The following WARS1 variants were observed in gnomAD, a reference collection of about 807,000 sequenced individuals.
The protein encoded by WARS1 is tryptophan--tRNA ligase, cytoplasmic.
Under a neutral mutation model 47.8 loss-of-function variants are expected in WARS1, and 17 were observed. The ratio of observed to expected loss-of-function variants is 0.36; its 90% CI spans 0.24 to 0.53. The LOEUF (loss-of-function observed/expected upper bound fraction) is 0.53, where lower values mean the gene tolerates loss of function less well. Among genes scored for constraint, WARS1 ranks in the 20% least tolerant of loss-of-function variants. The probability of loss-of-function intolerance (pLI) is 0.91; values close to 1 mark genes in which losing one functional copy is unlikely to be tolerated. For synonymous variants in WARS1, 208 were observed against 228.1 expected (o/e 0.91, Z 0.79); for missense variants, 434 against 608.0 (o/e 0.71, Z 3.01).
At position 100,334,637 on chromosome 14, in the gene WARS1, C is replaced by A. The variant is rs1893583610; in HGVS notation, c.*238G>T. 1 of 421,282 alleles carries A rather than the reference C, an allele frequency of 2.4e-6. No individual in the cohort carries two copies. The highest frequency in any genetic ancestry group is 3.0e-5 in the South Asian group (1 of 33,844). 26.1% of individuals were successfully genotyped at this position (421,282 alleles called of 1,614,324 possible). A position where few individuals can be genotyped will look rare whatever the true frequency, so the allele number is the denominator to read the frequency against. On this transcript the variant is annotated 3_prime_UTR_variant, in exon 11 of 11. Transcript: ENST00000392882. The stretch of plus-strand genomic sequence containing the variant: ...GGGAGAGACTCACAGCTGGACTTCT[C>A]TATCCGACCATGCAATGTTAGCCAG...
intron 6 of WARS1, among the ~76,000 whole-genome samples, chr14:100,352,722 G>C (rs1895076026): frequency 6.6e-6 from 1 of 152,114 alleles, no homozygotes; most frequent in African/African-American, 2.4e-5. Flanking sequence ...CCTTAGGGGA[G>C]TACTATGACT....
chr14:100,336,384 G>A (rs190169792), intron 10 of WARS1, among the ~76,000 whole-genome samples: 150 of 152,226 alleles, frequency 9.9e-4, no homozygotes, highest in African/African-American at 3.4e-3. Context: ...AGTAGCAGGG[G>A]CTACAGATGT....
At chr14:100,346,723 C>T (rs544151015) in intron 7 of WARS1, 23 bp downstream of exon 7, 1 of 1,592,162 alleles carries the variant, frequency 6.3e-7, no homozygotes, top group East Asian at 2.2e-5. Context: ...GGGAGTGGTC[C>T]ACAGCAGCAG....
At chr14:100,353,994 A>G in intron 5 of WARS1, 125 bp from the exon 6 acceptor site, 1 of 825,012 alleles carries the variant, frequency 1.2e-6, no homozygotes, top group Non-Finnish European at 1.9e-6. Flanking sequence ...CAAAATCACA[A>G]TTTGAATTGT....
At chr14:100,366,409 G>C (rs1180244475) in intron 2 of WARS1, among the ~76,000 whole-genome samples, 2 of 152,208 alleles carry the variant, frequency 1.3e-5, no homozygotes, top group African/African-American at 4.8e-5. Flanking sequence ...AATGAAGAGT[G>C]CATCCAGCAG....
rs1311479640 is a variant in WARS1 at position 100,373,277 on chromosome 14, T to C, written c.-74+2006A>G. The stretch of plus-strand genomic sequence containing the variant: ...AAGACTGATTCCCCCAGCTGGACTT[T>C]AGATGGCCTCTTGTTTAACGTCCTG... On this transcript the variant is annotated intron_variant, in intron 1 of 10. Transcript: ENST00000392882. This position sits in a 1 kb window ranked among gnomAD's most constrained non-coding sequence, Gnocchi z 4.4. Among the ~76,000 whole-genome samples, 2 of 152,234 alleles carry C rather than the reference T, an allele frequency of 1.3e-5. No homozygotes were observed. Among genetic ancestry groups the C allele is most frequent in the East Asian group, 1.9e-4 (1 of 5,206 alleles).
At chr14:100,352,377 C>T (rs1895053156) in intron 6 of WARS1, among the ~76,000 whole-genome samples, 1 of 152,128 alleles carries the variant, frequency 6.6e-6, no homozygotes, top group Non-Finnish European at 1.5e-5. Context: ...CTCAGCCTCC[C>T]AAAGTGCTGG....
At chr14:100,340,234 A>C (rs1894071514) in intron 9 of WARS1, 1 of 152,218 alleles carries the variant, frequency 6.6e-6, no homozygotes, top group Admixed American at 6.6e-5. Context: ...GAACCAGCCT[A>C]CCAGGCCTGA....
chr14:100,348,992 C>T (rs553848469), intron 6 of WARS1, among the ~76,000 whole-genome samples: 3 of 152,352 alleles, frequency 2.0e-5, no homozygotes, highest in African/African-American at 7.2e-5. Context: ...ACGGACCCAT[C>T]ACGCAAAGCA....
intron 6 of WARS1, among the ~76,000 whole-genome samples, chr14:100,352,259 A>C: frequency 6.6e-6 from 1 of 151,062 alleles, no homozygotes; most frequent in East Asian, 2.0e-4. Context: ...CTACAGGAGC[A>C]CGCCACCACA....
intron 2 of WARS1, chr14:100,368,399 G>A (rs1296916829): frequency 4.4e-6 from 2 of 456,002 alleles, no homozygotes; most frequent in Admixed American, 4.7e-5. Context: ...ATACAGATGG[G>A]GAGACTGCCT....
intron 9 of WARS1, among the ~76,000 whole-genome samples, chr14:100,339,667 A>G (rs1235209194): frequency 6.6e-6 from 1 of 151,926 alleles, no homozygotes; most frequent in Non-Finnish European, 1.5e-5. Flanking sequence ...CAGGAGGAAG[A>G]AAAAAACCAC....
At chr14:100,370,699 A>G (rs2140093325) in intron 1 of WARS1, among the ~76,000 whole-genome samples, 1 of 152,302 alleles carries the variant, frequency 6.6e-6, no homozygotes, top group East Asian at 1.9e-4. Context: ...GGGGTTAAAA[A>G]AAACTTGCCC....
At chr14:100,352,755 G>C (rs1296749724) in intron 6 of WARS1, 1 of 152,192 alleles carries the variant, frequency 6.6e-6, no homozygotes, top group Admixed American at 6.5e-5. Context: ...TCACCTTAGG[G>C]GAGTACCACA....
chr14:100,347,842 G>A (rs1466659700), intron 6 of WARS1, among the ~76,000 whole-genome samples: 1 of 152,206 alleles, frequency 6.6e-6, no homozygotes, highest in Non-Finnish European at 1.5e-5. Context: ...CTCCCAAAGT[G>A]CTGGGATTAC....
intron 2 of WARS1, among the ~76,000 whole-genome samples, chr14:100,367,668 G>C (rs889211881): frequency 7.3e-6 from 1 of 136,100 alleles, no homozygotes; most frequent in African/African-American, 2.8e-5. Context: ...TGAAATTTCA[G>C]AACACGGGAA....
At chr14:100,348,995 G>A (rs1199668894) in intron 6 of WARS1, among the ~76,000 whole-genome samples, 2 of 152,200 alleles carry the variant, frequency 1.3e-5, no homozygotes, top group South Asian at 2.1e-4. Flanking sequence ...GACCCATCAC[G>A]CAAAGCAGCC....
At chr14:100,345,303 G>A (rs1894523451) in intron 7 of WARS1, among the ~76,000 whole-genome samples, 1 of 152,010 alleles carries the variant, frequency 6.6e-6, no homozygotes, top group South Asian at 2.1e-4. Flanking sequence ...AGACATGGGA[G>A]ACTTTTCATT....
chr14:100,360,427 C>T, intron 4 of WARS1, 127 bp downstream of exon 4: 1 of 628,312 alleles, frequency 1.6e-6, no homozygotes. Context: ...GGATGGATCT[C>T]AGTCTTACCA....
Sources: allele counts gnomAD v4.1 joint callset (sites outside exome capture counted in the v4.1 genomes callset), GRCh38; gene constraint gnomAD v4.1.1; non-coding constraint Gnocchi (gnomAD v3.1); transcripts MANE v1.5; gene names NCBI Gene and HGNC (gene_info 2026-07-23, HGNC 2026-07-21).